The following THSD4 variants were observed in gnomAD, a reference collection of about 807,000 sequenced individuals.
THSD4 encodes thrombospondin type 1 domain containing 4.
In THSD4, 69 loss-of-function variants were observed where a neutral mutation model predicts 119.0. The ratio of observed to expected loss-of-function variants is 0.58; its 90% confidence interval spans 0.48 to 0.71. The LOEUF (loss-of-function observed/expected upper bound fraction) is 0.71. Ranked by LOEUF, THSD4 falls within the 30% of genes least tolerant of loss-of-function variation. THSD4 has a pLI of 0.00. For missense variants in THSD4, 1,393 were observed against 1,391.1 expected (o/e 1.00, Z -0.02); for synonymous variants, 524 against 540.4 (o/e 0.97, Z 0.42).
intron 8 of THSD4, among the ~76,000 whole-genome samples, chr15:71,710,599 C>A (rs940257010): frequency 2.0e-5 from 3 of 152,314 alleles, no homozygotes; most frequent in Non-Finnish European, 2.9e-5. Flanking sequence ...CCCACCTCAT[C>A]TGGCTCATAC....
At position 71,542,577 on chromosome 15, in the gene THSD4, G is replaced by A. The variant is rs77002067; in HGVS notation, c.1153-117953G>A. Among the ~76,000 whole-genome samples the A allele has an allele frequency of 5.4e-3, 808 of 149,700 alleles. 8 individuals carry two copies. The highest frequency in any genetic ancestry group is 0.019 in the African/African-American group (737 of 39,298). The stretch of plus-strand genomic sequence containing the variant: ...ACCCCTGTCTAATCATGAAAAAAAC[G>A]TTAGAAAAAAACAAATTGGGCCGGG... On this transcript the variant is annotated intron_variant, in intron 7 of 17. Transcript: ENST00000261862.
intron 7 of THSD4, among the ~76,000 whole-genome samples, chr15:71,596,820 A>T (rs2049915153): frequency 6.6e-6 from 1 of 152,118 alleles, no homozygotes; most frequent in South Asian, 2.1e-4. Flanking sequence ...CAGCAGAGGG[A>T]GGTGGAAGAG....
At chr15:71,571,343 T>A (rs766094009) in intron 7 of THSD4, among the ~76,000 whole-genome samples, 10 of 152,138 alleles carry the variant, frequency 6.6e-5, no homozygotes, top group Non-Finnish European at 1.5e-4. Context: ...TCGTTTCCTA[T>A]GCCTAGATAA....
intron 6 of THSD4, among the ~76,000 whole-genome samples, chr15:71,292,833 C>A (rs925554803): frequency 2.0e-5 from 3 of 152,048 alleles, no homozygotes; most frequent in Non-Finnish European, 4.4e-5. Context: ...CCCACCACCA[C>A]GCCCGGCTGA....
At chr15:71,538,531 A>G (rs926467187) in intron 7 of THSD4, among the ~76,000 whole-genome samples, 2 of 152,260 alleles carry the variant, frequency 1.3e-5, no homozygotes, top group Non-Finnish European at 2.9e-5. Flanking sequence ...AAGATTTCAT[A>G]AAATAATACT....
intron 3 of THSD4, among the ~76,000 whole-genome samples, chr15:71,204,954 A>G (rs1338094688): frequency 6.6e-6 from 1 of 152,172 alleles, no homozygotes; most frequent in African/African-American, 2.4e-5. Flanking sequence ...GGGGCTAAGG[A>G]AGTAGCAGCC....
At chr15:71,548,487 G>A (rs914458996) in intron 7 of THSD4, among the ~76,000 whole-genome samples, 4 of 152,172 alleles carry the variant, frequency 2.6e-5, no homozygotes, top group Admixed American at 1.3e-4. Context: ...CCAAGCCCAC[G>A]GCTGCAAGGC....
chr15:71,548,182 T>G (rs933777989), intron 7 of THSD4, among the ~76,000 whole-genome samples: 4 of 151,768 alleles, frequency 2.6e-5, no homozygotes, highest in Non-Finnish European at 5.9e-5. Context: ...GATCATTGAG[T>G]CCAGAGAGGG....
chr15:71,395,312 G>T (rs17726411), intron 6 of THSD4, among the ~76,000 whole-genome samples: 3,459 of 152,284 alleles, frequency 0.023, 52 homozygotes, highest in South Asian at 0.046. Flanking sequence ...TGCCGTGAAG[G>T]TGACAGAGGA....
At chr15:71,174,255 G>T (rs2043417394) in intron 3 of THSD4, among the ~76,000 whole-genome samples, 1 of 152,260 alleles carries the variant, frequency 6.6e-6, no homozygotes, top group East Asian at 1.9e-4. Flanking sequence ...TCTCACTAGG[G>T]AGTGCCAGAC....
chr15:71,214,146 A>AATCAGCACTCTGTAAAATGGACCG (rs540763445), intron 3 of THSD4, among the ~76,000 whole-genome samples: 11 of 152,184 alleles, frequency 7.2e-5, no homozygotes. Flanking sequence ...TATATGCACC[A>AATCAGCACTCTGTAAAATGGACCG]ATCAGCACTC....
chr15:71,636,683 C>CT (rs966274919), intron 7 of THSD4, among the ~76,000 whole-genome samples: 18 of 152,114 alleles, frequency 1.2e-4, no homozygotes, highest in African/African-American at 3.6e-4. Flanking sequence ...ACAGAGAAAT[C>CT]TTTTTTTGCC....
In THSD4 at chr15:71,771,129, T is replaced by C. The variant is rs2140245238; in HGVS notation, c.2835T>C (p.Thr945=). ...REVRCLSDDM[T]LSNLCDPQLK... ...TGCGGTGTCTGTCTGATGACATGAC[T>C]CTAAGTAACCTCTGTGACCCTCAGT... The change falls in exon 17 of 18, where the codon ACT becomes ACC. Residue 945 remains threonine (T), a synonymous_variant. Coordinates refer to ENST00000261862, the MANE Select transcript of THSD4 (RefSeq NM_024817.3). 1 of 1,606,662 alleles carries C rather than the reference T, an allele frequency of 6.2e-7. No homozygotes were observed.
chr15:71,547,727 C>G (rs2048859408), intron 7 of THSD4: 1 of 396,318 alleles, frequency 2.5e-6, no homozygotes, highest in South Asian at 4.3e-5. Flanking sequence ...GGAAGTTGCT[C>G]TGGCCTTGGT....
chr15:71,724,134 G>C (rs2052775497), intron 8 of THSD4, among the ~76,000 whole-genome samples: 1 of 149,638 alleles, frequency 6.7e-6, no homozygotes. Context: ...TGGAAGAAGG[G>C]ACAGCACCGT....
At chr15:71,740,515 C>T (rs561986083) in intron 11 of THSD4, among the ~76,000 whole-genome samples, 19 of 152,200 alleles carry the variant, frequency 1.2e-4, no homozygotes, top group Admixed American at 4.6e-4. Context: ...TCACCCTGTC[C>T]GGAGCCCATA....
intron 7 of THSD4, among the ~76,000 whole-genome samples, chr15:71,489,736 A>G (rs150867202): frequency 6.6e-6 from 1 of 152,092 alleles, no homozygotes; most frequent in Non-Finnish European, 1.5e-5. Context: ...TTTTGTTCTC[A>G]TTTTTGGGTT....
intron 7 of THSD4, among the ~76,000 whole-genome samples, chr15:71,639,445 G>A (rs1482269714): frequency 6.6e-6 from 1 of 152,078 alleles, no homozygotes; most frequent in African/African-American, 2.4e-5. Flanking sequence ...CTCCACAAGG[G>A]TCTGGGTTCT....
intron 17 of THSD4, among the ~76,000 whole-genome samples, chr15:71,776,413 A>G (rs1289152925): frequency 6.6e-6 from 1 of 152,232 alleles, no homozygotes; most frequent in East Asian, 1.9e-4. Context: ...TGAGCAAAAG[A>G]TCAGAAAAGC....
Sources: allele counts gnomAD v4.1 joint callset (sites outside exome capture counted in the v4.1 genomes callset), GRCh38; gene constraint gnomAD v4.1.1; transcripts MANE v1.5; gene names NCBI Gene and HGNC (gene_info 2026-07-23, HGNC 2026-07-21).